EFCAB8: variants seen among roughly 807,000 people sequenced by gnomAD.
EFCAB8 encodes EF-hand calcium-binding domain-containing protein 8.
EFCAB8 carries 100 observed loss-of-function variants against 116.3 expected under a neutral mutation model. The ratio of observed to expected loss-of-function variants is 0.86; its 90% confidence interval spans 0.73 to 1.02. The LOEUF (loss-of-function observed/expected upper bound fraction) is 1.02. Ranked by LOEUF, EFCAB8 falls within the 50% of genes least tolerant of loss-of-function variation. The pLI, the probability that EFCAB8 is intolerant of heterozygous loss-of-function variation, is 0.00. For synonymous variants in EFCAB8, 558 were observed against 567.9 expected, an observed-to-expected ratio of 0.98 and a Z score of 0.25; for missense variants, 1,320 against 1,416.9, an observed-to-expected ratio of 0.93 and a Z score of 1.10.
intron 23 of EFCAB8, among the ~76,000 whole-genome samples, chr20:32,949,595 A>G (rs1988736084): frequency 2.0e-5 from 3 of 152,256 alleles, no homozygotes; most frequent in Admixed American, 2.0e-4. Context: ...AGATATATCC[A>G]TACATATATG....
At chr20:32,879,051 T>C (rs1224859977) in intron 5 of EFCAB8, among the ~76,000 whole-genome samples, 1 of 152,254 alleles carries the variant, frequency 6.6e-6, no homozygotes, top group Non-Finnish European at 1.5e-5. Flanking sequence ...GTCAAATGGC[T>C]GGCCCCAGGC....
chr20:32,889,396 G>A lies in EFCAB8; in HGVS notation c.663G>A (p.Arg221=), dbSNP rs1479433994. ...ACCTCGTTGCAGTTGCGTCTACCAG[G>A]CAAAAGATAGGTGAGTCCCTGGGGG... ...NMNLVAVAST[R]QKIDFFDISD... Residue 221 remains arginine, a synonymous_variant, in exon 7 of 27, where the codon AGG becomes AGA. Transcript: ENST00000400522. 1.9e-6 allele frequency: 3 copies of A among 1,551,810 alleles called. No homozygotes were observed. Among genetic ancestry groups the A allele is most frequent in the Non-Finnish European group, 8.7e-7 (1 of 1,147,000 alleles).
At chr20:32,907,070 C>T in intron 13 of EFCAB8, 76 bp downstream of exon 13, 6 of 1,445,722 alleles carry the variant, frequency 4.2e-6, no homozygotes, top group Non-Finnish European at 5.5e-6. Context: ...CATGACCTCC[C>T]TGCCCACGGC....
At chr20:32,862,596 A>G (rs1478134906) in intron 1 of EFCAB8, among the ~76,000 whole-genome samples, 1 of 152,048 alleles carries the variant, frequency 6.6e-6, no homozygotes, top group Admixed American at 6.6e-5. Context: ...GGTACCGTTC[A>G]GTCTTCTCCC....
chr20:32,961,288 G>A lies in EFCAB8; in HGVS notation c.3546G>A (p.Glu1182=). ...HVQKDLVPSR[E]QAVLDTTDST... is the part of the protein sequence containing the mutation. ...AGAAGGACCTGGTGCCCAGCAGGGA[G>A]CAGGCTGTGCTGGATACCACGGACA... The change falls in exon 27 of 27, where the codon GAG becomes GAA. Residue 1182 remains glutamate (E), a synonymous_variant. Transcript: ENST00000400522. 6.5e-7 allele frequency: 1 copy of A among 1,548,248 alleles called. No homozygotes were observed. The highest frequency in any genetic ancestry group is 8.7e-7 in the Non-Finnish European group (1 of 1,145,258).
At position 32,911,547 on chromosome 20, in the gene EFCAB8, A is replaced by G; in HGVS notation, c.1625A>G (p.Glu542Gly). 1 of 1,535,408 alleles carries G rather than the reference A, an allele frequency of 6.5e-7. No individual in the cohort carries two copies. The highest frequency in any genetic ancestry group is 2.5e-5 in the East Asian group (1 of 40,688). ...WEVVTGRKTM[E>G]FAVSGGQHVE... ...GTCGTGACGGGCAGGAAGACGATGG[A>G]GTTTGCTGTGTCTGGGGGCCAGCAC... Residue 542 changes from glutamate (E) to glycine (G), a missense_variant, in exon 16 of 27, where the codon GAG becomes GGG. Coordinates refer to ENST00000400522, the MANE Select transcript of EFCAB8 (RefSeq NM_001143967.2).
chr20:32,921,797 A>G (rs1014515446), intron 20 of EFCAB8, among the ~76,000 whole-genome samples: 3 of 144,714 alleles, frequency 2.1e-5, no homozygotes, highest in South Asian at 2.2e-4. Flanking sequence ...CATGAGAGGG[A>G]TTTAGATTCA....
At chr20:32,866,967 G>C (rs1051127328) in intron 2 of EFCAB8, among the ~76,000 whole-genome samples, 1 of 150,810 alleles carries the variant, frequency 6.6e-6, no homozygotes, top group Non-Finnish European at 1.5e-5. Flanking sequence ...GCCCAGGCTG[G>C]AATGCAGCGG....
chr20:32,901,731 A>G (rs981059836), intron 11 of EFCAB8, among the ~76,000 whole-genome samples: 1 of 152,260 alleles, frequency 6.6e-6, no homozygotes, highest in Admixed American at 6.5e-5. Flanking sequence ...TGCAGTGCCC[A>G]GGCTGGAGTG....
In EFCAB8 at chr20:32,961,438, G is replaced by A. The variant is rs1216352138; in HGVS notation, c.3696G>A (p.Gln1232=). The change falls in exon 27 of 27, where the codon CAG becomes CAA. Residue 1232 remains glutamine (Q), a synonymous_variant. Transcript: ENST00000400522. ...TPQFSFLLRP[Q]SASTAHSTPS... is the part of the protein sequence containing the mutation. ...AGTTCTCCTTCTTGCTGCGGCCCCA[G>A]TCAGCCTCCACAGCCCATTCCACCC... is the stretch of plus-strand genomic sequence containing the variant. 1 of 1,456,894 alleles carries A rather than the reference G, an allele frequency of 6.9e-7. No homozygotes were observed. The highest frequency in any genetic ancestry group is 9.1e-7 in the Non-Finnish European group (1 of 1,102,820). The allele number at this position is 1,456,894 out of a possible 1,614,324, so 90.2% of individuals were successfully genotyped here.
At position 32,935,188 on chromosome 20, in the gene EFCAB8, C is replaced by CTTTTTTT. The variant is rs754022404; in HGVS notation, c.2790+3855_2790+3856insTTTTTTT. Among the ~76,000 whole-genome samples, 138 of 66,818 alleles carry CTTTTTTT rather than the reference C, an allele frequency of 2.1e-3. 6 individuals are homozygous for CTTTTTTT. The highest frequency in any genetic ancestry group is 2.6e-3 in the Non-Finnish European group (97 of 37,324). The allele number at this position is 66,818 out of a possible 152,430, so 43.8% of individuals were successfully genotyped here. A position where few individuals can be genotyped will look rare whatever the true frequency, so the allele number is the denominator to read the frequency against. The stretch of plus-strand genomic sequence containing the variant: ...TCTCTTCTCTTTTCTTTCTTTCTTT[C>CTTTTTTT]TTTCTTTTTTTTTTTTTTTTTTTTT... On this transcript the variant is annotated intron_variant, in intron 22 of 26. Coordinates refer to ENST00000400522, the MANE Select transcript of EFCAB8 (RefSeq NM_001143967.2).
At chr20:32,943,105 A>G (rs1216355931) in intron 22 of EFCAB8, among the ~76,000 whole-genome samples, 3 of 152,268 alleles carry the variant, frequency 2.0e-5, no homozygotes, top group Middle Eastern at 3.4e-3. Context: ...TCTCAGTGTA[A>G]TGTGATTTAT....
chr20:32,871,732 T>C (rs1196967855), intron 3 of EFCAB8, among the ~76,000 whole-genome samples: 1 of 152,160 alleles, frequency 6.6e-6, no homozygotes, highest in Non-Finnish European at 1.5e-5. Context: ...CCATACCGTG[T>C]CTTAGGCACC....
intron 23 of EFCAB8, among the ~76,000 whole-genome samples, chr20:32,948,868 G>A (rs886468446): frequency 6.6e-6 from 1 of 152,128 alleles, no homozygotes. Context: ...CTGAGGAAGT[G>A]CATCTGTGAA....
At chr20:32,958,194 T>C (rs1261676260) in intron 23 of EFCAB8, among the ~76,000 whole-genome samples, 2 of 152,192 alleles carry the variant, frequency 1.3e-5, no homozygotes, top group African/African-American at 2.4e-5. Context: ...CAGGATGCTT[T>C]AGGCCTGAGC....
At chr20:32,922,815 C>CTT (rs759769965) in intron 20 of EFCAB8, among the ~76,000 whole-genome samples, 1 of 151,092 alleles carries the variant, frequency 6.6e-6, no homozygotes, top group Non-Finnish European at 1.5e-5. Flanking sequence ...ATGAGTACTT[C>CTT]TCTCTCTCTC....
chr20:32,931,519 G>T (rs1237135477), intron 22 of EFCAB8, 183 bp downstream of exon 22: 1 of 385,286 alleles, frequency 2.6e-6, no homozygotes, highest in African/African-American at 2.2e-5. Flanking sequence ...AGCACTTTGG[G>T]AGGCTGAGGC....
chr20:32,861,163 A>G (rs955407530), intron 1 of EFCAB8, among the ~76,000 whole-genome samples: 2 of 152,204 alleles, frequency 1.3e-5, no homozygotes, highest in African/African-American at 4.8e-5. Flanking sequence ...TTCTGTGTCT[A>G]TAATGGTTCA....
rs75694022 is a variant in EFCAB8, at chr20:32,860,718, T to C, written c.-11+1712T>C. On this transcript the variant is annotated intron_variant, in intron 1 of 26. Transcript: ENST00000400522. ...AAATTGGCATCATAGTGTGCACCCT[T>C]TTCTGCATCTTGGTTTTTTTATTTA... Among the ~76,000 whole-genome samples the C allele has an allele frequency of 5.6e-3, 844 of 152,030 alleles. 4 individuals are homozygous for C. The highest frequency in any genetic ancestry group is 0.024 in the Middle Eastern group (7 of 294).
Sources: allele counts gnomAD v4.1 joint callset (sites outside exome capture counted in the v4.1 genomes callset), GRCh38; gene constraint gnomAD v4.1.1; transcripts MANE v1.5; gene names NCBI Gene and HGNC (gene_info 2026-07-23, HGNC 2026-07-21).